The following ELF2 variants were observed in gnomAD, a reference collection of about 807,000 sequenced individuals.
ELF2 encodes the protein E74 like ETS transcription factor 2.
ELF2 carries 11 observed loss-of-function variants against 54.8 expected under a neutral mutation model. The ratio of observed to expected loss-of-function variants is 0.20; its 90% CI spans 0.13 to 0.33. The LOEUF is 0.33. ELF2 is among the 10% of genes least tolerant of loss of function. The pLI, the probability that ELF2 is intolerant of heterozygous loss-of-function variation, is 1.00. For synonymous variants in ELF2, 203 were observed against 245.1 expected, an observed-to-expected ratio of 0.83 and a Z score of 1.61; for missense variants, 513 against 703.0, an observed-to-expected ratio of 0.73 and a Z score of 3.06.
At chr4:139,085,587 T>C (rs1006844952) in intron 4 of ELF2, among the ~76,000 whole-genome samples, 4 of 152,276 alleles carry the variant, frequency 2.6e-5, no homozygotes, top group Non-Finnish European at 4.4e-5. Flanking sequence ...TCTCCTAATA[T>C]TCATTTATTC....
intron 1 of ELF2, among the ~76,000 whole-genome samples, chr4:139,141,389 G>T (rs1260457607): frequency 6.6e-6 from 1 of 152,050 alleles, no homozygotes; most frequent in Non-Finnish European, 1.5e-5. Flanking sequence ...TTATACGAAG[G>T]ACTTCATATG....
chr4:139,115,766 G>A (rs2148819445), intron 4 of ELF2, among the ~76,000 whole-genome samples: 1 of 152,216 alleles, frequency 6.6e-6, no homozygotes, highest in Non-Finnish European at 1.5e-5. Flanking sequence ...TTTTCCTTTA[G>A]TGGTATAAAA....
chr4:139,130,291 G>C (rs1308583204), intron 3 of ELF2, among the ~76,000 whole-genome samples: 1 of 151,954 alleles, frequency 6.6e-6, no homozygotes. Flanking sequence ...CTCCAGAACT[G>C]TAACACAATA....
Position 139,161,033 on chromosome 4 carries a change from T to C in ELF2, c.-252+15934A>G, listed in dbSNP as rs113275620. Among the ~76,000 whole-genome samples, 1,242 of 152,336 alleles carry C rather than the reference T, an allele frequency of 8.2e-3. 21 individuals carry two copies. Among genetic ancestry groups the C allele is most frequent in the African/African-American group, 0.029 (1,187 of 41,570 alleles). ...TAAGATCTCTCTGTGTGTGTCTCCA[T>C]GTGTGTATACACACACGTGTGCCTA... On this transcript the variant is annotated intron_variant, in intron 1 of 9. Coordinates refer to ENST00000686138, the MANE Select transcript of ELF2 (RefSeq NM_001331036.3).
chr4:139,086,505 C>T (rs1731996156), intron 4 of ELF2, among the ~76,000 whole-genome samples: 1 of 152,104 alleles, frequency 6.6e-6, no homozygotes, highest in Non-Finnish European at 1.5e-5. Flanking sequence ...TTTTATGTTA[C>T]TGATTTATTT....
intron 4 of ELF2, among the ~76,000 whole-genome samples, chr4:139,078,298 AC>A (rs1463197415): frequency 1.3e-5 from 2 of 152,182 alleles, no homozygotes; most frequent in African/African-American, 4.8e-5. Flanking sequence ...ATTAGAAAAC[AC>A]TTCATTAGGT....
chr4:139,129,925 T>C (rs928280548), intron 3 of ELF2, among the ~76,000 whole-genome samples: 1 of 152,204 alleles, frequency 6.6e-6, no homozygotes, highest in African/African-American at 2.4e-5. Flanking sequence ...CCACCTGTCA[T>C]GGGCTGAATT....
At chr4:139,071,339 GTTTT>G (rs1303668248) in intron 6 of ELF2, among the ~76,000 whole-genome samples, 1 of 151,556 alleles carries the variant, frequency 6.6e-6, no homozygotes. Flanking sequence ...GTTTATTTAG[GTTTT>G]TTGAGATAGG....
At chr4:139,171,035 C>A (rs1267575428) in intron 1 of ELF2, among the ~76,000 whole-genome samples, 4 of 151,972 alleles carry the variant, frequency 2.6e-5, no homozygotes, top group Admixed American at 2.6e-4. Context: ...CATGAGCCAC[C>A]GCACCCAGCC....
At chr4:139,153,317 C>A (rs1418208992) in intron 1 of ELF2, among the ~76,000 whole-genome samples, 3 of 152,062 alleles carry the variant, frequency 2.0e-5, no homozygotes, top group African/African-American at 7.2e-5. Flanking sequence ...CGTCTGTAGT[C>A]CCAGCTACTC....
At chr4:139,132,841 CATATATATATATATATATAT>C (rs58765596) in intron 3 of ELF2, among the ~76,000 whole-genome samples, 3 of 115,052 alleles carry the variant, frequency 2.6e-5, no homozygotes, top group Non-Finnish European at 5.4e-5. Flanking sequence ...TATTACTTTA[CATATATATATATATATATAT>C]ATATATATAT....
intron 3 of ELF2, among the ~76,000 whole-genome samples, chr4:139,134,739 G>C (rs1490611956): frequency 6.6e-6 from 1 of 151,114 alleles, no homozygotes; most frequent in Non-Finnish European, 1.5e-5. Context: ...AGAAATGGGG[G>C]TCTCCTGGGT....
At chr4:139,097,520 G>A (rs985460041) in intron 4 of ELF2, among the ~76,000 whole-genome samples, 1 of 151,680 alleles carries the variant, frequency 6.6e-6, no homozygotes, top group Admixed American at 6.6e-5. Context: ...GGGAGGCTGA[G>A]GCAGGAGAAT....
At chr4:139,072,892 C>A (rs553784734) in intron 5 of ELF2, among the ~76,000 whole-genome samples, 1 of 152,248 alleles carries the variant, frequency 6.6e-6, no homozygotes, top group South Asian at 2.1e-4. Context: ...ATTTTTGTAT[C>A]AAGTCAAATT....
chr4:139,161,905 T>A (rs1005684415), intron 1 of ELF2, among the ~76,000 whole-genome samples: 1 of 151,994 alleles, frequency 6.6e-6, no homozygotes, highest in Non-Finnish European at 1.5e-5. Context: ...TCATCCTGGC[T>A]AACACGGTGA....
At position 139,058,815 on chromosome 4, in the gene ELF2, C is replaced by T; in HGVS notation, c.*168G>A. On this transcript the variant is annotated 3_prime_UTR_variant, in exon 10 of 10. Coordinates refer to ENST00000686138, the MANE Select transcript of ELF2 (RefSeq NM_001331036.3). ...CAGCATCTCAATATGTAGTTCATTT[C>T]CCACTGAAACATGGGATAGGTAATT... The T allele has an allele frequency of 1.1e-6, 1 of 933,404 alleles. No homozygotes were observed. The highest frequency in any genetic ancestry group is 3.4e-4 in the Middle Eastern group (1 of 2,908). 57.8% of individuals were successfully genotyped at this position (933,404 alleles called of 1,614,324 possible).
At chr4:139,166,964 C>T (rs10007029) in intron 1 of ELF2, among the ~76,000 whole-genome samples, 195 of 152,242 alleles carry the variant, frequency 1.3e-3, no homozygotes, top group African/African-American at 4.6e-3. Context: ...GTTCAGTTTT[C>T]CAGATTTAAG....
chr4:139,084,017 CTG>C (rs1298523897), intron 4 of ELF2: 55 of 1,543,546 alleles, frequency 3.6e-5, no homozygotes, highest in South Asian at 1.1e-5. Context: ...GCCCCAGTGA[CTG>C]TGAGGTGGAC....
At chr4:139,079,595 A>C (rs1370546461) in intron 4 of ELF2, among the ~76,000 whole-genome samples, 1 of 152,232 alleles carries the variant, frequency 6.6e-6, no homozygotes, top group Non-Finnish European at 1.5e-5. Context: ...TTCTAAACAT[A>C]AACATCAGGG....
Sources: allele counts gnomAD v4.1 joint callset (sites outside exome capture counted in the v4.1 genomes callset), GRCh38; gene constraint gnomAD v4.1.1; transcripts MANE v1.5; gene names NCBI Gene and HGNC (gene_info 2026-07-23, HGNC 2026-07-21).